ARFGEF2: variants seen among roughly 807,000 people sequenced by gnomAD.
ARFGEF2 encodes the protein ARF guanine nucleotide exchange factor 2, also known as brefeldin A-inhibited guanine nucleotide-exchange protein 2.
Under a neutral mutation model 219.9 loss-of-function variants are expected in ARFGEF2, and 74 were observed. That is an observed-to-expected ratio of 0.34 (90% confidence interval 0.28 to 0.41). The LOEUF (loss-of-function observed/expected upper bound fraction) is 0.41. ARFGEF2 is among the 10% of genes least tolerant of loss of function. ARFGEF2 has a pLI of 1.00. For synonymous variants in ARFGEF2, 733 were observed against 799.2 expected, an observed-to-expected ratio of 0.92 and a Z score of 1.40; for missense variants, 1,743 against 2,218.3, an observed-to-expected ratio of 0.79 and a Z score of 4.30.
chr20:49,007,861 CCT>C (rs2091472614), intron 26 of ARFGEF2, among the ~76,000 whole-genome samples: 1 of 152,058 alleles, frequency 6.6e-6, no homozygotes, highest in Non-Finnish European at 1.5e-5. Context: ...GAGACTGAGT[CCT>C]CACATGGCCA....
At chr20:48,923,579 G>C (rs1208343284) in intron 1 of ARFGEF2, among the ~76,000 whole-genome samples, 1 of 152,150 alleles carries the variant, frequency 6.6e-6, no homozygotes, top group African/African-American at 2.4e-5. Flanking sequence ...AATAACCAAG[G>C]CTGTTGGGTA....
At chr20:48,958,440 C>T (rs1031623447) in intron 6 of ARFGEF2, among the ~76,000 whole-genome samples, 4 of 144,044 alleles carry the variant, frequency 2.8e-5, no homozygotes, top group Non-Finnish European at 6.1e-5. Flanking sequence ...CTCTGATGTT[C>T]TTTTTTTTTT....
rs543611054 is a variant in ARFGEF2 at position 49,032,092 on chromosome 20, G to C, written c.5107G>C (p.Glu1703Gln). ...TGCCTATTTCATCACTGTGAATTCT[G>C]AGAGCCATCGGGAGGCCTGGACAAG... ...ALAYFITVNS[E>Q]SHREAWTSLL... The change falls in exon 38 of 39, where the codon GAG (glutamate) becomes CAG (glutamine). Residue 1703 changes from glutamate to glutamine, a missense_variant. This residue lies in a region of ARFGEF2 where 578 missense variants were observed against 664.0 expected (regional missense o/e 0.87). Coordinates refer to ENST00000371917, the MANE Select transcript of ARFGEF2 (RefSeq NM_006420.3). 82 of 1,614,052 alleles carry C rather than the reference G, an allele frequency of 5.1e-5. No individual in the cohort carries two copies. The highest frequency in any genetic ancestry group is 1.5e-4 in the Admixed American group (9 of 60,012).
intron 1 of ARFGEF2, among the ~76,000 whole-genome samples, chr20:48,933,883 G>T (rs1057091998): frequency 6.6e-6 from 1 of 152,094 alleles, no homozygotes; most frequent in Non-Finnish European, 1.5e-5. Context: ...ACTTTGGAAG[G>T]CTGAGGCGGG....
At chr20:48,984,598 G>A (rs1568721217) in intron 14 of ARFGEF2, 131 bp from the exon 15 acceptor site, 2 of 1,195,786 alleles carry the variant, frequency 1.7e-6, no homozygotes, top group Non-Finnish European at 2.5e-6. Flanking sequence ...TGCCAGGACA[G>A]ACATGACCTT....
In ARFGEF2 at chr20:48,962,916, G is replaced by T. The variant is rs528370939; in HGVS notation, c.839-914G>T. Reference sequence around the variant, plus strand: ...TTGGTCAACGTGATGTTTTATAAATGAGTAATGTTAGGCCAGGTACAATGG... The same window carrying T: ...TTGGTCAACGTGATGTTTTATAAATTAGTAATGTTAGGCCAGGTACAATGG... On this transcript the variant is annotated intron_variant, in intron 6 of 38. Transcript: ENST00000371917. 2.8e-4 allele frequency among the ~76,000 whole-genome samples: 42 copies of T among 152,148 alleles called. 1 individual carries two copies. In the South Asian group the frequency reaches 8.7e-3, roughly 32 times the overall value.
intron 1 of ARFGEF2, among the ~76,000 whole-genome samples, chr20:48,926,123 AG>A (rs1385853300): frequency 1.3e-5 from 2 of 152,202 alleles, no homozygotes; most frequent in African/African-American, 4.8e-5. Context: ...TGATGGAACC[AG>A]GGTATAAACA....
At chr20:48,941,725 T>C (rs2090994181) in intron 2 of ARFGEF2, 139 bp from the exon 3 acceptor site, 2 of 1,251,462 alleles carry the variant, frequency 1.6e-6, no homozygotes, top group South Asian at 1.2e-5. Flanking sequence ...TGCTAATGCA[T>C]GTATTCAACT....
chr20:48,974,710 G>T, intron 12 of ARFGEF2, 56 bp from the exon 13 acceptor site: 1 of 1,421,830 alleles, frequency 7.0e-7, no homozygotes. Context: ...CCTCGTAGAT[G>T]TCTGTTCTCT....
chr20:49,021,318 T>G (rs1337704472), intron 34 of ARFGEF2, among the ~76,000 whole-genome samples: 1 of 151,980 alleles, frequency 6.6e-6, no homozygotes, highest in Non-Finnish European at 1.5e-5. Context: ...TAAAGACAAC[T>G]CAACCTCCTT....
Position 49,035,924 on chromosome 20 carries a change from T to G in ARFGEF2, c.*2725T>G. 2.7e-6 allele frequency: 1 copy of G among 367,412 alleles called. No individual in the cohort carries two copies. The highest frequency in any genetic ancestry group is 4.8e-6 in the Non-Finnish European group (1 of 207,312). 22.8% of individuals were successfully genotyped at this position (367,412 alleles called of 1,614,324 possible). Reference sequence around the variant, plus strand: ...CTCATGTACAACCAAAGAACATACATTATGAAAATTGTATTATAATATCTG... The same window carrying G: ...CTCATGTACAACCAAAGAACATACAGTATGAAAATTGTATTATAATATCTG... On this transcript the variant is annotated 3_prime_UTR_variant, in exon 39 of 39. Coordinates refer to ENST00000371917, the MANE Select transcript of ARFGEF2 (RefSeq NM_006420.3).
Position 49,025,352 on chromosome 20 carries a change from G to T in ARFGEF2, c.4795G>T (p.Asp1599Tyr). 1 of 1,613,766 alleles carries T rather than the reference G, an allele frequency of 6.2e-7. No homozygotes were observed. The highest frequency in any genetic ancestry group is 8.5e-7 in the Non-Finnish European group (1 of 1,179,872). ...TGCAGATATCCACATAGAGACGGAG[G>T]ATCAGGGCATGTATAAGTACATGTC... ...LDADIHIETE[D>Y]QGMYKYMSSQ... The change falls in exon 36 of 39, where the codon GAT (aspartate) becomes TAT (tyrosine). Residue 1599 changes from aspartate (D) to tyrosine (Y), a missense_variant. This residue lies in a region of ARFGEF2 where 578 missense variants were observed against 664.0 expected (regional missense o/e 0.87). Coordinates refer to ENST00000371917, the MANE Select transcript of ARFGEF2 (RefSeq NM_006420.3).
intron 1 of ARFGEF2, among the ~76,000 whole-genome samples, chr20:48,924,768 G>A (rs1201941272): frequency 6.6e-6 from 1 of 151,898 alleles, no homozygotes; most frequent in East Asian, 1.9e-4. Context: ...TTAGCTAGGA[G>A]TGTATTCTTT....
intron 7 of ARFGEF2, 49 bp downstream of exon 7, chr20:48,963,947 A>G (rs777530900): frequency 2.5e-6 from 4 of 1,576,122 alleles, no homozygotes; most frequent in Non-Finnish European, 3.5e-6. Context: ...ATTCCTCCAA[A>G]AAGTCCTCAG....
intron 1 of ARFGEF2, among the ~76,000 whole-genome samples, chr20:48,923,214 G>C (rs959658817): frequency 1.3e-5 from 2 of 152,116 alleles, no homozygotes; most frequent in African/African-American, 4.8e-5. Context: ...CTGCCCCAAC[G>C]TCTTTGGTTT....
chr20:48,950,622 C>T (rs2123345576), intron 3 of ARFGEF2, among the ~76,000 whole-genome samples: 1 of 150,504 alleles, frequency 6.6e-6, no homozygotes, highest in African/African-American at 2.4e-5. Context: ...AGCAAGACCC[C>T]ATCTCTACAA....
At chr20:48,945,666 G>A (rs1431214604) in intron 3 of ARFGEF2, among the ~76,000 whole-genome samples, 4 of 152,080 alleles carry the variant, frequency 2.6e-5, no homozygotes, top group African/African-American at 9.7e-5. Context: ...GAACAGCCTG[G>A]GCAACATATT....
chr20:48,985,798 C>G lies in ARFGEF2; in HGVS notation c.2276+185C>G, dbSNP rs530108960. Among the ~76,000 whole-genome samples, 3 of 152,284 alleles carry G rather than the reference C, an allele frequency of 2.0e-5. No individual in the cohort carries two copies. The East Asian group carries it at 5.8e-4, about 29-fold the overall frequency. On this transcript the variant is annotated intron_variant, in intron 16 of 38. Coordinates refer to ENST00000371917, the MANE Select transcript of ARFGEF2 (RefSeq NM_006420.3). Reference sequence around the variant, plus strand: ...AGACCTCACAGCAACCTGTTTATGTCCCTATTCTACAGACAAAAAGATTGA... The same window carrying G: ...AGACCTCACAGCAACCTGTTTATGTGCCTATTCTACAGACAAAAAGATTGA...
chr20:48,932,155 G>C (rs2090917256), intron 1 of ARFGEF2, among the ~76,000 whole-genome samples: 1 of 152,160 alleles, frequency 6.6e-6, no homozygotes, highest in African/African-American at 2.4e-5. Flanking sequence ...CAGAGGTGGA[G>C]GGGTTGGACA....
Sources: gnomAD v4.1 joint callset for allele counts (sites outside exome capture counted in the v4.1 genomes callset) on GRCh38, gnomAD v4.1.1 for gene constraint, gnomAD v4.1.1 regional missense constraint, MANE v1.5 for transcripts, NCBI Gene and HGNC (gene_info 2026-07-23, HGNC 2026-07-21) for gene names.